SCAF8: variants seen among roughly 807,000 people sequenced by gnomAD.
The protein encoded by SCAF8 is SR-related CTD associated factor 8.
A neutral mutation model predicts 140.5 loss-of-function variants in SCAF8; 23 were observed. The observed-to-expected ratio is 0.16, with a 90% CI of 0.12 to 0.23. The LOEUF (loss-of-function observed/expected upper bound fraction) is 0.23. Among genes scored for constraint, SCAF8 ranks in the 10% least tolerant of loss-of-function variants. The probability of loss-of-function intolerance (pLI) is 1.00; values close to 1 mark genes in which losing one functional copy is unlikely to be tolerated. For synonymous variants in SCAF8, 575 were observed against 528.9 expected, an observed-to-expected ratio of 1.09 and a Z score of -1.20; for missense variants, 1,397 against 1,555.7, an observed-to-expected ratio of 0.90 and a Z score of 1.72.
chr6:154,819,186 TTAAC>T (rs1471350169), intron 14 of SCAF8, among the ~76,000 whole-genome samples: 4 of 152,224 alleles, frequency 2.6e-5, no homozygotes, highest in Admixed American at 6.5e-5. Context: ...ATTAAAAACT[TTAAC>T]TACTTTCATT....
chr6:154,775,474 TC>T (rs1776890924), intron 2 of SCAF8, among the ~76,000 whole-genome samples: 1 of 152,234 alleles, frequency 6.6e-6, no homozygotes, highest in Admixed American at 6.5e-5. Context: ...CAGAGTACTT[TC>T]TTAATAGAGT....
At chr6:154,831,793 C>T (rs571271710) in intron 19 of SCAF8, 146 bp from the exon 20 acceptor site, 8 of 451,086 alleles carry the variant, frequency 1.8e-5, no homozygotes, top group African/African-American at 1.8e-4. Context: ...CAGTATAATA[C>T]CTGACATTTC....
intron 1 of SCAF8, among the ~76,000 whole-genome samples, chr6:154,771,005 A>G (rs1222967373): frequency 6.6e-6 from 1 of 152,144 alleles, no homozygotes; most frequent in African/African-American, 2.4e-5. Context: ...TTGGCCTCCC[A>G]AAGTGCTGGG....
chr6:154,806,742 A>T (rs1777926377), intron 9 of SCAF8, among the ~76,000 whole-genome samples: 1 of 152,226 alleles, frequency 6.6e-6, no homozygotes, highest in Non-Finnish European at 1.5e-5. Flanking sequence ...GCCTAGAATT[A>T]TGAGAATGGA....
intron 1 of SCAF8, among the ~76,000 whole-genome samples, chr6:154,762,386 T>A (rs1191928851): frequency 6.6e-6 from 1 of 152,202 alleles, no homozygotes; most frequent in Non-Finnish European, 1.5e-5. Flanking sequence ...GGTCTCTTTT[T>A]TTGTTTACTG....
At chr6:154,811,988 G>A (rs376091005) in intron 12 of SCAF8, among the ~76,000 whole-genome samples, 10 of 151,998 alleles carry the variant, frequency 6.6e-5, no homozygotes, top group Non-Finnish European at 1.2e-4. Flanking sequence ...GAGTAGTGCC[G>A]CAGTAAATAC....
Position 154,822,270 on chromosome 6 carries a change from G to A in SCAF8, c.1793-6G>A, listed in dbSNP as rs1471780298. 12 of 1,598,716 alleles carry A rather than the reference G, an allele frequency of 7.5e-6. No homozygotes were observed. Among genetic ancestry groups the A allele is most frequent in the Non-Finnish European group, 1.0e-5 (12 of 1,174,918 alleles). ...AAAGGAAATCAATTTCAACTATTTTGTTTAGAGTGGGAAACTGTGAAAAGC... is the reference window on the plus strand; with the variant it reads ...AAAGGAAATCAATTTCAACTATTTTATTTAGAGTGGGAAACTGTGAAAAGC... On this transcript the variant is annotated splice_region_variant and splice_polypyrimidine_tract_variant and intron_variant, in intron 15 of 19. Coordinates refer to ENST00000367178, the MANE Select transcript of SCAF8 (RefSeq NM_014892.5).
chr6:154,766,669 C>CCCCTT (rs1554258917), intron 1 of SCAF8, among the ~76,000 whole-genome samples: 2 of 82,424 alleles, frequency 2.4e-5, no homozygotes, highest in African/African-American at 5.7e-5. Flanking sequence ...ACCCCCCCCC[C>CCCCTT]TTTTTTTTTT....
rs560507351 is a variant in SCAF8, at chr6:154,745,881, G to GT, written c.30+11957dup. 3.0e-3 allele frequency among the ~76,000 whole-genome samples: 458 copies of GT among 151,674 alleles called. 5 individuals are homozygous for GT. Among genetic ancestry groups the GT allele is most frequent in the African/African-American group, 0.011 (440 of 41,356 alleles). ...TTAGTATGAACTCGTGGTGTTTTTT[G>GT]TTTTTTGTTTTATTTGGCGACAGAG... On this transcript the variant is annotated intron_variant, in intron 1 of 19. Coordinates refer to ENST00000367178, the MANE Select transcript of SCAF8 (RefSeq NM_014892.5).
intron 19 of SCAF8, among the ~76,000 whole-genome samples, chr6:154,831,702 T>TAAAAAAA (rs1778739379): frequency 1.6e-5 from 1 of 62,740 alleles, no homozygotes; most frequent in South Asian, 8.3e-4. Flanking sequence ...ACTCCTGTTC[T>TAAAAAAA]TAAAAAAAAA....
At chr6:154,796,728 T>A (rs1016558043) in intron 6 of SCAF8, among the ~76,000 whole-genome samples, 1 of 152,166 alleles carries the variant, frequency 6.6e-6, no homozygotes, top group African/African-American at 2.4e-5. Context: ...ATCCCAGTAC[T>A]TTGGGAGGCC....
At chr6:154,785,920 G>A (rs1562445090) in intron 3 of SCAF8, among the ~76,000 whole-genome samples, 1 of 152,264 alleles carries the variant, frequency 6.6e-6, no homozygotes, top group Admixed American at 6.5e-5. Flanking sequence ...TTGAAAAATG[G>A]TATATCTATA....
intron 13 of SCAF8, 77 bp from the exon 14 acceptor site, chr6:154,818,402 T>A: frequency 1.6e-6 from 1 of 632,610 alleles, no homozygotes; most frequent in Non-Finnish European, 2.6e-6. Flanking sequence ...AGTCAATGTT[T>A]TGTGTCATTT....
In SCAF8 at chr6:154,824,251, C is replaced by T. The variant is rs758502107; in HGVS notation, c.1944C>T (p.Ala648=). Residue 648 remains alanine, a synonymous_variant, in exon 17 of 20, where the codon GCC becomes GCT. Coordinates refer to ENST00000367178, the MANE Select transcript of SCAF8 (RefSeq NM_014892.5). The part of the protein sequence containing the change: ...VAMLQIPVAP[A]VPTVSLVPPA... ...CACAAAAGATTCCAGTGGCGCCAGC[C>T]GTGCCTACAGTTAGTTTAGTCCCAC... 2.8e-5 allele frequency: 45 copies of T among 1,613,716 alleles called. No individual in the cohort carries two copies. In the East Asian group the frequency reaches 3.3e-4, roughly 12 times the overall value.
intron 12 of SCAF8, among the ~76,000 whole-genome samples, chr6:154,812,721 C>A (rs182299366): frequency 4.9e-4 from 75 of 152,240 alleles, no homozygotes; most frequent in African/African-American, 1.7e-3. Flanking sequence ...TGAATAATAA[C>A]ATTCCAGGAA....
Position 154,733,620 on chromosome 6 carries a change from A to C in SCAF8, c.-281A>C. The stretch of plus-strand genomic sequence containing the variant: ...CAGAGAAGAGAAGGCGCCGCGGCCC[A>C]GCCCCTCCCCCGCCCGCCGCCGACC... On this transcript the variant is annotated 5_prime_UTR_variant, in exon 1 of 20. Coordinates refer to ENST00000367178, the MANE Select transcript of SCAF8 (RefSeq NM_014892.5). 3 of 1,294,844 alleles carry C rather than the reference A, an allele frequency of 2.3e-6. No homozygotes were observed. The highest frequency in any genetic ancestry group is 1.5e-5 in the African/African-American group (1 of 64,648). The allele number at this position is 1,294,844 out of a possible 1,614,324, so 80.2% of individuals were successfully genotyped here.
intron 3 of SCAF8, among the ~76,000 whole-genome samples, chr6:154,782,302 A>T (rs901678805): frequency 1.6e-4 from 24 of 152,136 alleles, no homozygotes; most frequent in Admixed American, 6.6e-4. Context: ...CCAGCTGCTT[A>T]TGTGGGTGAG....
chr6:154,786,019 G>A (rs1193214579), intron 3 of SCAF8, among the ~76,000 whole-genome samples: 1 of 152,180 alleles, frequency 6.6e-6, no homozygotes, highest in African/African-American at 2.4e-5. Context: ...CACCTTGCCT[G>A]CTGCCTAGAC....
intron 17 of SCAF8, among the ~76,000 whole-genome samples, chr6:154,826,640 G>A (rs915457320): frequency 6.6e-6 from 1 of 152,094 alleles, no homozygotes; most frequent in Non-Finnish European, 1.5e-5. Flanking sequence ...CCAGCTACTC[G>A]GGAGGCTGAA....
Sources: gnomAD v4.1 joint callset for allele counts (sites outside exome capture counted in the v4.1 genomes callset) on GRCh38, gnomAD v4.1.1 for gene constraint, MANE v1.5 for transcripts, NCBI Gene and HGNC (gene_info 2026-07-23, HGNC 2026-07-21) for gene names.